Variants in TMEM232 observed in about 807,000 individuals in gnomAD.
TMEM232 encodes transmembrane protein 232.
Under a neutral mutation model 78.8 loss-of-function variants are expected in TMEM232, and 80 were observed. The ratio of observed to expected loss-of-function variants is 1.01; its 90% CI spans 0.85 to 1.22. The LOEUF (loss-of-function observed/expected upper bound fraction) is 1.22, where lower values mean the gene tolerates loss of function less well. Among genes scored for constraint, TMEM232 ranks in the 50% most tolerant of loss-of-function variants. The probability of loss-of-function intolerance (pLI) is 0.00; values close to 1 mark genes in which losing one functional copy is unlikely to be tolerated. For synonymous variants in TMEM232, 297 were observed against 254.3 expected, an observed-to-expected ratio of 1.17 and a Z score of -1.60; for missense variants, 881 against 742.2, an observed-to-expected ratio of 1.19 and a Z score of -2.17.
intron 12 of TMEM232, among the ~76,000 whole-genome samples, chr5:110,520,448 A>T (rs1431528876): frequency 6.6e-6 from 1 of 152,186 alleles, no homozygotes; most frequent in East Asian, 1.9e-4. Context: ...GACAAAGATT[A>T]AAAAAGACAT....
At chr5:110,651,834 C>G (rs553882770) in intron 2 of TMEM232, among the ~76,000 whole-genome samples, 68 of 152,072 alleles carry the variant, frequency 4.5e-4, no homozygotes, top group African/African-American at 1.5e-3. Flanking sequence ...TACAAAGGGC[C>G]AGAAACTCAC....
intron 2 of TMEM232, among the ~76,000 whole-genome samples, chr5:110,410,066 A>T (rs976772791): frequency 3.9e-5 from 6 of 152,210 alleles, no homozygotes; most frequent in African/African-American, 1.4e-4. Flanking sequence ...GGGTATGTTG[A>T]CAAAATGCTT....
At chr5:110,629,541 C>T (rs1784854341) in intron 5 of TMEM232, among the ~76,000 whole-genome samples, 1 of 152,072 alleles carries the variant, frequency 6.6e-6, no homozygotes, top group South Asian at 2.1e-4. Context: ...ACAACTCAAG[C>T]TTTGCCTCCT....
At chr5:110,515,119 T>A (rs1768410654) in intron 12 of TMEM232, among the ~76,000 whole-genome samples, 1 of 152,174 alleles carries the variant, frequency 6.6e-6, no homozygotes, top group South Asian at 2.1e-4. Context: ...CTAATTAACC[T>A]CATCAAAACT....
intron 1 of TMEM232, among the ~76,000 whole-genome samples, chr5:110,718,424 T>C (rs1797242101): frequency 6.6e-6 from 1 of 152,126 alleles, no homozygotes; most frequent in Non-Finnish European, 1.5e-5. Flanking sequence ...ATTTATGTTC[T>C]TTGTATGTGA....
chr5:110,463,798 A>G (rs1761789300), intron 12 of TMEM232, among the ~76,000 whole-genome samples: 2 of 151,686 alleles, frequency 1.3e-5, no homozygotes. Context: ...CCTACTCCAC[A>G]CCCTCCATTG....
intron 1 of TMEM232, among the ~76,000 whole-genome samples, chr5:110,680,896 G>T (rs1302558170): frequency 6.6e-6 from 1 of 152,048 alleles, no homozygotes; most frequent in Non-Finnish European, 1.5e-5. Flanking sequence ...CCTTAAAGGA[G>T]AGAGGAAAAT....
At chr5:110,737,407 G>T (rs565538025) in intron 1 of TMEM232, among the ~76,000 whole-genome samples, 1 of 151,958 alleles carries the variant, frequency 6.6e-6, no homozygotes, top group African/African-American at 2.4e-5. Flanking sequence ...TGTTTTCTAA[G>T]ATTTTGGAGT....
At chr5:110,732,733 A>G (rs576539839) in intron 2 of TMEM232, among the ~76,000 whole-genome samples, 1 of 152,362 alleles carries the variant, frequency 6.6e-6, no homozygotes, top group Admixed American at 6.5e-5. Flanking sequence ...GAACCATATC[A>G]GATACCTCTC....
At position 110,537,291 on chromosome 5, in the gene TMEM232, A is replaced by ATATATATAT. The variant is rs1554102698; in HGVS notation, c.1456-8457_1456-8456insATATATATA. On this transcript the variant is annotated intron_variant, in intron 11 of 13. Transcript: ENST00000455884. ...AAAGAGAAAACTTATATATATATAT[A>ATATATATAT]TTTTTTTTTTTCTGCAATGCTGTTT... is the stretch of plus-strand genomic sequence containing the variant. Among the ~76,000 whole-genome samples the ATATATATAT allele has an allele frequency of 5.9e-5, 8 of 136,370 alleles. 1 individual carries two copies. The highest frequency in any genetic ancestry group is 4.2e-4 in the Admixed American group (6 of 14,130). 89.5% of individuals were successfully genotyped at this position (136,370 alleles called of 152,430 possible). A position where few individuals can be genotyped will look rare whatever the true frequency, so the allele number is the denominator to read the frequency against.
At chr5:110,579,396 G>C (rs1370899043) in intron 10 of TMEM232, among the ~76,000 whole-genome samples, 2 of 150,882 alleles carry the variant, frequency 1.3e-5, no homozygotes, top group African/African-American at 4.9e-5. Context: ...CAATATGATA[G>C]CATAAGAAAA....
chr5:110,427,862 G>C (rs1452382645), intron 12 of TMEM232, among the ~76,000 whole-genome samples: 2 of 150,932 alleles, frequency 1.3e-5, no homozygotes, highest in Non-Finnish European at 3.0e-5. Flanking sequence ...TATTTTTTTG[G>C]GTACACAGTA....
At chr5:110,433,340 G>GAAAT (rs985202710) in intron 12 of TMEM232, among the ~76,000 whole-genome samples, 1 of 151,726 alleles carries the variant, frequency 6.6e-6, no homozygotes, top group African/African-American at 2.4e-5. Context: ...CAAAGCCATA[G>GAAAT]AAATACATTG....
At chr5:110,455,917 C>A (rs528731751) in intron 12 of TMEM232, among the ~76,000 whole-genome samples, 2 of 152,066 alleles carry the variant, frequency 1.3e-5, no homozygotes, top group Admixed American at 1.3e-4. Context: ...ATAATAAAAA[C>A]TCTTTGAAAA....
Position 110,605,312 on chromosome 5 carries a change from A to C in TMEM232, c.1073T>G (p.Val358Gly), listed in dbSNP as rs1580336330. The C allele has an allele frequency of 6.5e-7, 1 of 1,549,420 alleles. No homozygotes were observed. Among genetic ancestry groups the C allele is most frequent in the Non-Finnish European group, 8.7e-7 (1 of 1,145,920 alleles). Reference protein sequence around the residue: ...VDDFSWAWNVVYIYTVILAEI... With the variant: ...VDDFSWAWNVGYIYTVILAEI... ...TGCAAGAATTACTGTATATATGTAG[A>C]CTACATTCCAGGCCCAGGAAAAATC... Residue 358 changes from valine to glycine, a missense_variant, in exon 10 of 14, where the codon GTC becomes GGC. Physicochemically the swap from Val to Gly is moderately radical, Grantham distance 109. Coordinates refer to ENST00000455884, the MANE Select transcript of TMEM232 (RefSeq NM_001039763.4).
chr5:110,670,330 C>T (rs1465952146), intron 1 of TMEM232, among the ~76,000 whole-genome samples: 4 of 152,156 alleles, frequency 2.6e-5, no homozygotes, highest in African/African-American at 7.2e-5. Context: ...CATTCTTATA[C>T]ACCAATAACA....
chr5:110,657,158 C>A lies in TMEM232; in HGVS notation c.125+10070G>T, dbSNP rs145100647. 2.6e-4 allele frequency among the ~76,000 whole-genome samples: 39 copies of A among 152,136 alleles called. No individual in the cohort carries two copies. In the East Asian group the frequency reaches 6.4e-3, roughly 25 times the overall value. On this transcript the variant is annotated intron_variant, in intron 2 of 13. Coordinates refer to ENST00000455884, the MANE Select transcript of TMEM232 (RefSeq NM_001039763.4). ...CTCATACATTGTTGGTAGGAATGTA[C>A]GTTAGTACAGCCATAATGAATAACA... is the stretch of plus-strand genomic sequence containing the variant.
chr5:110,398,299 A>G (rs1755468367), intron 2 of TMEM232, among the ~76,000 whole-genome samples: 1 of 152,200 alleles, frequency 6.6e-6, no homozygotes, highest in South Asian at 2.1e-4. Context: ...ACAAACCTCT[A>G]CAAAAGAAAA....
At chr5:110,544,763 T>C (rs1773576166) in intron 11 of TMEM232, among the ~76,000 whole-genome samples, 2 of 152,254 alleles carry the variant, frequency 1.3e-5, no homozygotes, top group Non-Finnish European at 2.9e-5. Flanking sequence ...TTATTTTCTA[T>C]AGGAGTTGTG....
Sources: allele counts gnomAD v4.1 joint callset (sites outside exome capture counted in the v4.1 genomes callset), GRCh38; gene constraint gnomAD v4.1.1; transcripts MANE v1.5; gene names NCBI Gene and HGNC (gene_info 2026-07-23, HGNC 2026-07-21).